TYW1: variants seen among roughly 807,000 people sequenced by gnomAD.
TYW1 encodes the protein tRNA-yW synthesizing protein 1 homolog.
Under a neutral mutation model 96.2 loss-of-function variants are expected in TYW1, and 46 were observed. That is an observed-to-expected ratio of 0.48 (90% CI 0.38 to 0.61). The LOEUF (loss-of-function observed/expected upper bound fraction) is 0.61, where lower values mean the gene tolerates loss of function less well. Ranked by LOEUF, TYW1 falls within the 20% of genes least tolerant of loss-of-function variation. TYW1 has a pLI of 0.00. For synonymous variants in TYW1, 274 were observed against 323.0 expected (o/e 0.85, Z 1.63); for missense variants, 684 against 909.6 (o/e 0.75, Z 3.19).
At chr7:67,150,003 T>C (rs567176156) in intron 13 of TYW1, among the ~76,000 whole-genome samples, 3 of 151,952 alleles carry the variant, frequency 2.0e-5, no homozygotes, top group African/African-American at 7.3e-5. Flanking sequence ...TCCTGGCTTA[T>C]GAAAGCAAAT....
intron 13 of TYW1, among the ~76,000 whole-genome samples, chr7:67,123,521 G>T (rs1410222323): frequency 6.6e-6 from 1 of 152,178 alleles, no homozygotes; most frequent in Non-Finnish European, 1.5e-5. Flanking sequence ...TCGTGTTGAG[G>T]CATCAGGTAA....
chr7:67,002,439 G>A (rs1664843861), intron 3 of TYW1, among the ~76,000 whole-genome samples: 1 of 152,130 alleles, frequency 6.6e-6, no homozygotes, highest in Admixed American at 6.6e-5. Context: ...TTGGTCGTGT[G>A]TAGAAGACTA....
At chr7:67,048,189 C>T (rs1795247271) in intron 7 of TYW1, among the ~76,000 whole-genome samples, 1 of 146,310 alleles carries the variant, frequency 6.8e-6, no homozygotes, top group Non-Finnish European at 1.5e-5. Context: ...TATGGGCCAT[C>T]CTCCCCTAGG....
intron 13 of TYW1, among the ~76,000 whole-genome samples, chr7:67,167,831 T>C (rs1799393967): frequency 1.3e-5 from 2 of 152,068 alleles, no homozygotes; most frequent in Non-Finnish European, 2.9e-5. Flanking sequence ...CTCAGTTCAC[T>C]GCAACCTCTG....
At chr7:67,050,170 G>A in intron 8 of TYW1, 104 bp downstream of exon 8, 6 of 1,329,456 alleles carry the variant, frequency 4.5e-6, no homozygotes, top group Non-Finnish European at 6.3e-6. Context: ...GCTGTTCATA[G>A]TGGCAGATAT....
In TYW1 at chr7:67,194,573, C is replaced by A. The variant is rs6979001; in HGVS notation, c.1810-597C>A. On this transcript the variant is annotated intron_variant, in intron 14 of 15. Transcript: ENST00000359626. ...CAGGAAGTGGAGGTTGTGGTGAGCC[C>A]CGATTGCGCCACTGCACTCCAGCCT... Among the ~76,000 whole-genome samples the A allele has an allele frequency of 7.2e-5, 11 of 151,842 alleles. No homozygotes were observed. The South Asian group carries it at 1.9e-3, about 26-fold the overall frequency.
At chr7:67,021,706 G>T (rs1243573866) in intron 6 of TYW1, among the ~76,000 whole-genome samples, 1 of 152,234 alleles carries the variant, frequency 6.6e-6, no homozygotes, top group African/African-American at 2.4e-5. Flanking sequence ...AGTATATGCA[G>T]TGTTCAAGAT....
intron 15 of TYW1, among the ~76,000 whole-genome samples, chr7:67,234,358 AAAAAAAAAG>A (rs1385204119): frequency 3.4e-4 from 52 of 151,000 alleles, no homozygotes; most frequent in Middle Eastern, 3.4e-3. Context: ...TAAAAAAAAA[AAAAAAAAAG>A]GAAGAAGAGA....
intron 10 of TYW1, among the ~76,000 whole-genome samples, chr7:67,073,054 G>GATTATA (rs1235128276): frequency 1.4e-5 from 2 of 147,676 alleles, no homozygotes; most frequent in African/African-American, 5.0e-5. Flanking sequence ...AAAGTGCTGA[G>GATTATA]ATTATAGGCG....
At chr7:67,020,220 A>T (rs1794199813) in intron 6 of TYW1, among the ~76,000 whole-genome samples, 1 of 152,278 alleles carries the variant, frequency 6.6e-6, no homozygotes, top group Admixed American at 6.5e-5. Context: ...TTTCCACAAA[A>T]ACAAAAATTA....
At chr7:67,076,634 C>A (rs1249586510) in intron 10 of TYW1, among the ~76,000 whole-genome samples, 1 of 151,880 alleles carries the variant, frequency 6.6e-6, no homozygotes, top group Non-Finnish European at 1.5e-5. Context: ...CGCCACCAAG[C>A]CTGGATAATT....
intron 7 of TYW1, among the ~76,000 whole-genome samples, chr7:67,026,374 A>G (rs1234354391): frequency 6.6e-6 from 1 of 152,150 alleles, no homozygotes; most frequent in African/African-American, 2.4e-5. Flanking sequence ...CACCTGGCCT[A>G]CCTACAGATT....
intron 15 of TYW1, among the ~76,000 whole-genome samples, chr7:67,197,348 T>C (rs1800430278): frequency 6.8e-6 from 1 of 148,114 alleles, no homozygotes; most frequent in African/African-American, 2.5e-5. Flanking sequence ...TTTTTTAAGA[T>C]GGAGTCTTGC....
chr7:67,208,560 C>T (rs1466136695), intron 15 of TYW1, among the ~76,000 whole-genome samples: 2 of 151,618 alleles, frequency 1.3e-5, no homozygotes, highest in Non-Finnish European at 2.9e-5. Context: ...CGTGGTGGCG[C>T]GTGCCTGTAG....
At chr7:67,123,028 T>C (rs1797806336) in intron 13 of TYW1, among the ~76,000 whole-genome samples, 1 of 152,224 alleles carries the variant, frequency 6.6e-6, no homozygotes, top group East Asian at 1.9e-4. Flanking sequence ...GAGTTTCTTG[T>C]AGTCAATGAA....
At chr7:67,194,445 C>T (rs544508679) in intron 14 of TYW1, among the ~76,000 whole-genome samples, 2 of 151,672 alleles carry the variant, frequency 1.3e-5, no homozygotes, top group East Asian at 3.9e-4. Flanking sequence ...GTCAACATGG[C>T]GAAACCCCAT....
At chr7:67,065,786 G>A (rs1403292769) in intron 9 of TYW1, among the ~76,000 whole-genome samples, 3 of 152,034 alleles carry the variant, frequency 2.0e-5, no homozygotes, top group East Asian at 1.9e-4. Context: ...CGAGGTGGGC[G>A]GATCACTTGA....
chr7:67,101,158 C>T (rs539805756), intron 12 of TYW1, among the ~76,000 whole-genome samples: 19 of 152,218 alleles, frequency 1.2e-4, no homozygotes, highest in Admixed American at 3.3e-4. Flanking sequence ...TCTTAGTGCA[C>T]CTGAACGGAA....
intron 13 of TYW1, among the ~76,000 whole-genome samples, chr7:67,179,793 A>ACT (rs144437425): frequency 0.097 from 13,959 of 144,122 alleles, 753 homozygotes; most frequent in Middle Eastern, 0.14. Flanking sequence ...GTCTCTTAGA[A>ACT]AAGTTTATTT....
Sources: allele counts gnomAD v4.1 joint callset (sites outside exome capture counted in the v4.1 genomes callset), GRCh38; gene constraint gnomAD v4.1.1; transcripts MANE v1.5; gene names NCBI Gene and HGNC (gene_info 2026-07-23, HGNC 2026-07-21).